The following SGIP1 variants were observed in gnomAD, a reference collection of about 807,000 sequenced individuals.
SGIP1 encodes the protein SH3GL interacting endocytic adaptor 1, also known as SH3-containing GRB2-like protein 3-interacting protein 1.
A neutral mutation model predicts 107.5 loss-of-function variants in SGIP1; 38 were observed. The observed-to-expected ratio is 0.35, with a 90% CI of 0.27 to 0.46. SGIP1 has a LOEUF of 0.46. SGIP1 is among the 20% of genes least tolerant of loss of function. SGIP1 has a pLI of 1.00. For missense variants in SGIP1, 929 were observed against 1,019.5 expected, an observed-to-expected ratio of 0.91 and a Z score of 1.21; for synonymous variants, 365 against 366.1, an observed-to-expected ratio of 1.00 and a Z score of 0.03.
In SGIP1 at chr1:66,567,063, A is replaced by G. The variant is rs531817088; in HGVS notation, c.10+32695A>G. On this transcript the variant is annotated intron_variant, in intron 1 of 24. Transcript: ENST00000371037. ...AGCTCATTCTTTTTCATGGTTGCAT[A>G]GTATAACATGGTGTATACATACCAC... Among the ~76,000 whole-genome samples the G allele has an allele frequency of 3.3e-5, 5 of 152,266 alleles. No individual in the cohort carries two copies. In the East Asian group the frequency reaches 9.7e-4, roughly 29 times the overall value.
rs1557835222 is a variant in SGIP1, at chr1:66,743,097, G to T, written c.*2G>T. 6.2e-7 allele frequency: 1 copy of T among 1,613,204 alleles called. No individual in the cohort carries two copies. Among genetic ancestry groups the T allele is most frequent in the South Asian group, 1.1e-5 (1 of 91,052 alleles). ...GGAAAATACTTGGCAGATAACTAAT[G>T]AAATCTTATGCAAGGATTTGGAGGA... On this transcript the variant is annotated 3_prime_UTR_variant, in exon 25 of 25. Transcript: ENST00000371037.
chr1:66,722,141 T>C (rs1248322992), intron 19 of SGIP1, among the ~76,000 whole-genome samples: 1 of 152,110 alleles, frequency 6.6e-6, no homozygotes, highest in Non-Finnish European at 1.5e-5. Flanking sequence ...GGCGTCTCTC[T>C]TCCATCACCC....
chr1:66,714,036 A>G (rs1326090186), intron 18 of SGIP1, among the ~76,000 whole-genome samples: 1 of 152,118 alleles, frequency 6.6e-6, no homozygotes, highest in African/African-American at 2.4e-5. Flanking sequence ...TCAAAGAACC[A>G]ACTCTAATTC....
rs138209984 is a variant in SGIP1, at chr1:66,718,318, T to C, written c.1631-976T>C. On this transcript the variant is annotated intron_variant, in intron 18 of 24. Transcript: ENST00000371037. ...GTTCAATACCATGCCTAGAGATCAA[T>C]AACAAAAAAAAAATCTTAAATGTTG... 3.2e-3 allele frequency among the ~76,000 whole-genome samples: 486 copies of C among 151,376 alleles called. 1 individual carries two copies. The highest frequency in any genetic ancestry group is 0.012 in the African/African-American group (475 of 41,284).
chr1:66,581,417 G>A (rs923344647), intron 1 of SGIP1, among the ~76,000 whole-genome samples: 1 of 151,928 alleles, frequency 6.6e-6, no homozygotes, highest in Non-Finnish European at 1.5e-5. Flanking sequence ...ATAGAATAGT[G>A]CCTTATAAAT....
At chr1:66,571,702 G>A (rs921477647) in intron 1 of SGIP1, among the ~76,000 whole-genome samples, 1 of 151,954 alleles carries the variant, frequency 6.6e-6, no homozygotes, top group Non-Finnish European at 1.5e-5. Flanking sequence ...AAGCTCATAA[G>A]CTTGCCATTC....
At chr1:66,566,908 G>A (rs919591980) in intron 1 of SGIP1, among the ~76,000 whole-genome samples, 3 of 151,884 alleles carry the variant, frequency 2.0e-5, no homozygotes, top group African/African-American at 7.3e-5. Context: ...TCCCCTCCCT[G>A]TGTCCATGTG....
intron 12 of SGIP1, 144 bp downstream of exon 12, chr1:66,673,510 T>C: frequency 1.4e-6 from 1 of 701,686 alleles, no homozygotes; most frequent in Non-Finnish European, 2.1e-6. Flanking sequence ...AGGTGTGCTG[T>C]CAAGAACAGA....
intron 16 of SGIP1, 84 bp from the exon 17 acceptor site, chr1:66,690,106 T>A: frequency 6.6e-7 from 1 of 1,511,926 alleles, no homozygotes; most frequent in Non-Finnish European, 9.1e-7. Flanking sequence ...TTGTCATATC[T>A]GGGGCTGGGA....
chr1:66,582,618 TCATCAGTG>T (rs1259911424), intron 1 of SGIP1, among the ~76,000 whole-genome samples: 1 of 151,466 alleles, frequency 6.6e-6, no homozygotes, highest in Non-Finnish European at 1.5e-5. Context: ...GTAATTAGAG[TCATCAGTG>T]CATGAAATAA....
chr1:66,729,136 G>T (rs1256943052), intron 19 of SGIP1, 128 bp from the exon 20 acceptor site: 4 of 1,079,936 alleles, frequency 3.7e-6, no homozygotes, highest in Non-Finnish European at 5.3e-6. Flanking sequence ...TAATGGAATT[G>T]TAAGAGCCTG....
chr1:66,675,542 T>TTC (rs1553147039), intron 12 of SGIP1, among the ~76,000 whole-genome samples: 5 of 111,466 alleles, frequency 4.5e-5, no homozygotes, highest in African/African-American at 2.0e-4. Context: ...TTTTTCTTTC[T>TTC]TTTTTTTTTT....
At chr1:66,605,571 T>C (rs2066657368) in intron 1 of SGIP1, among the ~76,000 whole-genome samples, 1 of 151,660 alleles carries the variant, frequency 6.6e-6, no homozygotes, top group South Asian at 2.1e-4. Context: ...GGAGGCAGTC[T>C]GGATGTCACA....
chr1:66,647,352 C>T (rs927955479), intron 7 of SGIP1, among the ~76,000 whole-genome samples: 1 of 152,124 alleles, frequency 6.6e-6, no homozygotes, highest in Admixed American at 6.6e-5. Flanking sequence ...GCATCACTAC[C>T]ACCCAGATCC....
chr1:66,681,988 T>A lies in SGIP1; in HGVS notation c.934T>A (p.Trp312Arg). Reference sequence around the variant, plus strand: ...TGTTGCTGTTAATGCTGAAGAAAAGTGGGTCCATTTTTCTGATACATCCCC... The same window carrying A: ...TGTTGCTGTTAATGCTGAAGAAAAGAGGGTCCATTTTTCTGATACATCCCC... ...KSVAVNAEEK[W>R]VHFSDTSPEH... Residue 312 changes from tryptophan (W) to arginine (R), a missense_variant, in exon 15 of 25, where the codon TGG becomes AGG. Physicochemically the swap from Trp to Arg is moderately radical, Grantham distance 101. This residue lies in a region of SGIP1 where 588 missense variants were observed against 588.6 expected (regional missense o/e 1.00). Transcript: ENST00000371037. 2.5e-6 allele frequency: 4 copies of A among 1,614,184 alleles called. No individual in the cohort carries two copies. The highest frequency in any genetic ancestry group is 3.4e-6 in the Non-Finnish European group (4 of 1,180,026).
At chr1:66,617,669 C>T (rs2069735587) in intron 1 of SGIP1, among the ~76,000 whole-genome samples, 1 of 152,114 alleles carries the variant, frequency 6.6e-6, no homozygotes, top group Non-Finnish European at 1.5e-5. Flanking sequence ...TTAATGAAGA[C>T]TGAAGCTGAA....
At chr1:66,719,937 T>C (rs1250116361) in intron 19 of SGIP1, among the ~76,000 whole-genome samples, 2 of 151,788 alleles carry the variant, frequency 1.3e-5, no homozygotes, top group African/African-American at 4.8e-5. Flanking sequence ...TGGCCAAAAA[T>C]GAAAGAGAAA....
intron 1 of SGIP1, among the ~76,000 whole-genome samples, chr1:66,617,431 A>C (rs2069649750): frequency 6.6e-6 from 1 of 152,258 alleles, no homozygotes; most frequent in African/African-American, 2.4e-5. Context: ...TTTAAAGCCT[A>C]GAGGAAAAGC....
intron 15 of SGIP1, among the ~76,000 whole-genome samples, chr1:66,682,700 G>C (rs1330254082): frequency 6.6e-6 from 1 of 151,944 alleles, no homozygotes; most frequent in Non-Finnish European, 1.5e-5. Context: ...ATTTCACAGA[G>C]AGTGGGTTTC....
Sources: gnomAD v4.1 joint callset for allele counts (sites outside exome capture counted in the v4.1 genomes callset) on GRCh38, gnomAD v4.1.1 for gene constraint, gnomAD v4.1.1 regional missense constraint, MANE v1.5 for transcripts, NCBI Gene and HGNC (gene_info 2026-07-23, HGNC 2026-07-21) for gene names.